Variants in AK9 observed in about 807,000 individuals in gnomAD.
AK9 encodes the protein adenylate kinase domain containing 1.
AK9 carries 191 observed loss-of-function variants against 239.6 expected under a neutral mutation model. The observed-to-expected ratio is 0.80, with a 90% confidence interval of 0.71 to 0.90. The LOEUF (loss-of-function observed/expected upper bound fraction) is 0.90. AK9 is among the 40% of genes least tolerant of loss of function. The pLI, the probability that AK9 is intolerant of heterozygous loss-of-function variation, is 0.00. For missense variants in AK9, 1,995 were observed against 2,214.7 expected (o/e 0.90, Z 1.99); for synonymous variants, 689 against 721.0 (o/e 0.96, Z 0.71).
intron 35 of AK9, among the ~76,000 whole-genome samples, chr6:109,499,951 T>C (rs894141870): frequency 3.3e-5 from 5 of 152,030 alleles, no homozygotes; most frequent in African/African-American, 1.2e-4. Context: ...TGTATAAACA[T>C]ACATGTAGTT....
At chr6:109,671,293 T>G (rs995996082) in intron 5 of AK9, among the ~76,000 whole-genome samples, 1 of 152,266 alleles carries the variant, frequency 6.6e-6, no homozygotes, top group Non-Finnish European at 1.5e-5. Context: ...GATGATTTTA[T>G]CCCAAACTTG....
At chr6:109,608,015 C>G (rs1482563654) in intron 17 of AK9, among the ~76,000 whole-genome samples, 1 of 152,030 alleles carries the variant, frequency 6.6e-6, no homozygotes, top group Admixed American at 6.6e-5. Context: ...GTGGATCACG[C>G]CCGTAATCCC....
At chr6:109,606,253 AATAGATAGATAGATAG>A (rs57376541) in intron 17 of AK9, among the ~76,000 whole-genome samples, 57 of 148,244 alleles carry the variant, frequency 3.8e-4, no homozygotes, top group African/African-American at 5.2e-4. Context: ...ATCACTTGTG[AATAGATAGATAGATAG>A]ATAGATAGAT....
rs1797203265 is a variant in AK9 at position 109,640,047 on chromosome 6, G to A, written c.933+1471C>T. On this transcript the variant is annotated intron_variant, in intron 10 of 40. Coordinates refer to ENST00000424296, the MANE Select transcript of AK9 (RefSeq NM_001145128.3). ...CCAATACCATGCTGTTTTGGTTACT[G>A]TAGCCTTGTAGTATAGTTTGAAGTC... Among the ~76,000 whole-genome samples, 4 of 152,296 alleles carry A rather than the reference G, an allele frequency of 2.6e-5. No individual in the cohort carries two copies. In the Middle Eastern group the frequency reaches 0.01, roughly 389 times the overall value.
chr6:109,635,857 G>A (rs1301177040), intron 10 of AK9, among the ~76,000 whole-genome samples: 1 of 152,206 alleles, frequency 6.6e-6, no homozygotes, highest in African/African-American at 2.4e-5. Flanking sequence ...CAGCAGCAGA[G>A]TATTAAACTA....
In AK9 at chr6:109,557,459, C is replaced by T. The variant is rs138627224; in HGVS notation, c.2751+6138G>A. Among the ~76,000 whole-genome samples the T allele has an allele frequency of 2.1e-3, 315 of 152,202 alleles. 1 individual carries two copies. The highest frequency in any genetic ancestry group is 3.3e-3 in the South Asian group (16 of 4,820). The stretch of plus-strand genomic sequence containing the variant: ...TGTCTAACAACCCCTGTTAGAGGGT[C>T]TCACCCAGTTGGGTGGCACAGGGAG... On this transcript the variant is annotated intron_variant, in intron 24 of 40. Coordinates refer to ENST00000424296, the MANE Select transcript of AK9 (RefSeq NM_001145128.3).
rs139357700 is a variant in AK9 at position 109,674,243 on chromosome 6, A to G, written c.136T>C (p.Leu46=). 7.8e-5 allele frequency: 124 copies of G among 1,588,558 alleles called. No homozygotes were observed. The African/African-American group carries it at 1.5e-3, about 19-fold the overall frequency. The part of the protein sequence containing the change: ...FGKPGVGKTT[L]ARYITQAWKC... Reference sequence around the variant, plus strand: ...CATGCCTGTGTTATGTAACGGGCTAATGTTGTTTTCCCAACACCCTTAAAA... The same window carrying G: ...CATGCCTGTGTTATGTAACGGGCTAGTGTTGTTTTCCCAACACCCTTAAAA... The change falls in exon 3 of 41, where the codon TTA becomes CTA. Residue 46 remains leucine (L), a synonymous_variant. Coordinates refer to ENST00000424296, the MANE Select transcript of AK9 (RefSeq NM_001145128.3).
At chr6:109,620,690 C>T (rs1794702959) in intron 12 of AK9, among the ~76,000 whole-genome samples, 1 of 151,856 alleles carries the variant, frequency 6.6e-6, no homozygotes, top group African/African-American at 2.4e-5. Context: ...TTAGTACATG[C>T]ATAGTATTGC....
intron 10 of AK9, among the ~76,000 whole-genome samples, chr6:109,634,322 C>A (rs1796461994): frequency 6.6e-6 from 1 of 152,208 alleles, no homozygotes; most frequent in Admixed American, 6.5e-5. Flanking sequence ...AAGGCCCTCA[C>A]CGGATGCCAG....
intron 21 of AK9, among the ~76,000 whole-genome samples, chr6:109,567,976 A>C (rs1215310788): frequency 6.6e-6 from 1 of 152,124 alleles, no homozygotes; most frequent in Non-Finnish European, 1.5e-5. Flanking sequence ...GCACAACAAA[A>C]AAAGAGAATT....
In AK9 at chr6:109,546,068, T is replaced by A; in HGVS notation, c.3024A>T (p.Gly1008=). The A allele has an allele frequency of 6.9e-7, 1 of 1,443,166 alleles. No homozygotes were observed. The highest frequency in any genetic ancestry group is 9.3e-7 in the Non-Finnish European group (1 of 1,073,092). The allele number at this position is 1,443,166 out of a possible 1,614,324, so 89.4% of individuals were successfully genotyped here. A position where few individuals can be genotyped will look rare whatever the true frequency, so the allele number is the denominator to read the frequency against. Residue 1008 remains glycine (G), a synonymous_variant, in exon 26 of 41, where the codon GGA becomes GGT. Coordinates refer to ENST00000424296, the MANE Select transcript of AK9 (RefSeq NM_001145128.3). ...TGTTTAATTTTTCTGCCAACTGTCT[T>A]CCACACATAGTTTTGCCAGAGCCCT... ...GPQGSGKTMC[G]RQLAEKLNIF...
chr6:109,554,516 A>G (rs140661420), intron 24 of AK9, among the ~76,000 whole-genome samples: 1 of 98,546 alleles, frequency 1.0e-5, no homozygotes, highest in African/African-American at 4.1e-5. Context: ...GGCAGTTTGT[A>G]TTTCTTTTCT....
chr6:109,493,361 T>G lies in AK9; in HGVS notation c.*8A>C, dbSNP rs1776715113. On this transcript the variant is annotated 3_prime_UTR_variant, in exon 41 of 41. Transcript: ENST00000424296. ...TCTTGAGATTCAGGCTGCTATCACC[T>G]AAGTAAACTACCCATTAATTGGGTC... The G allele has an allele frequency of 6.2e-7, 1 of 1,609,606 alleles. No homozygotes were observed. Among genetic ancestry groups the G allele is most frequent in the Admixed American group, 1.7e-5 (1 of 59,972 alleles).
At chr6:109,494,203 C>G in intron 39 of AK9, 108 bp from the exon 40 acceptor site, 1 of 696,690 alleles carries the variant, frequency 1.4e-6, no homozygotes, top group Admixed American at 2.4e-5. Flanking sequence ...AAATAGCCCC[C>G]TGGAGTGGGG....
chr6:109,621,913 C>CAAAAAAAAAAAAAAAAAAAAAAAAA (rs758683676), intron 12 of AK9, among the ~76,000 whole-genome samples: 1 of 70,298 alleles, frequency 1.4e-5, no homozygotes, highest in South Asian at 4.1e-4. Flanking sequence ...AAAAAAAAAA[C>CAAAAAAAAAAAAAAAAAAAAAAAAA]AAAAAAAAAA....
intron 7 of AK9, among the ~76,000 whole-genome samples, chr6:109,657,529 A>G (rs1031766782): frequency 6.8e-6 from 1 of 147,820 alleles, no homozygotes; most frequent in Admixed American, 7.0e-5. Context: ...GGGAGAGAGA[A>G]CTGCCACACA....
chr6:109,510,760 G>T (rs60907467), intron 32 of AK9, among the ~76,000 whole-genome samples: 1 of 152,178 alleles, frequency 6.6e-6, no homozygotes, highest in Admixed American at 6.5e-5. Context: ...GGGCAAAAGT[G>T]CTGCAGCCAC....
chr6:109,568,306 A>G (rs1202829111), intron 21 of AK9, among the ~76,000 whole-genome samples: 1 of 152,108 alleles, frequency 6.6e-6, no homozygotes, highest in African/African-American at 2.4e-5. Context: ...TCTATGACAA[A>G]CCCACAGCCA....
chr6:109,626,897 C>T (rs193171596), intron 12 of AK9, among the ~76,000 whole-genome samples: 7 of 152,180 alleles, frequency 4.6e-5, no homozygotes, highest in African/African-American at 1.7e-4. Flanking sequence ...CTACTATAGA[C>T]TTTATAAACA....
Sources: allele counts gnomAD v4.1 joint callset (sites outside exome capture counted in the v4.1 genomes callset), GRCh38; gene constraint gnomAD v4.1.1; transcripts MANE v1.5; gene names NCBI Gene and HGNC (gene_info 2026-07-23, HGNC 2026-07-21).